Variants in PCNX1 observed in about 807,000 individuals in gnomAD.
PCNX1 encodes pecanex-like protein 1.
Under a neutral mutation model 242.2 loss-of-function variants are expected in PCNX1, and 78 were observed. That is an observed-to-expected ratio of 0.32 (90% CI 0.27 to 0.39). The LOEUF is 0.39. PCNX1 is among the 10% of genes least tolerant of loss of function. The pLI is 1.00. For synonymous variants in PCNX1, 1,024 were observed against 1,032.9 expected, an observed-to-expected ratio of 0.99 and a Z score of 0.17; for missense variants, 2,581 against 2,856.5, an observed-to-expected ratio of 0.90 and a Z score of 2.20.
chr14:70,939,747 T>G (rs1185818883), intron 1 of PCNX1, among the ~76,000 whole-genome samples: 3 of 152,258 alleles, frequency 2.0e-5, no homozygotes, highest in Admixed American at 2.0e-4. Flanking sequence ...AAGTCTCCCA[T>G]TATTGTGTGG....
intron 1 of PCNX1, among the ~76,000 whole-genome samples, chr14:70,919,913 A>G (rs1012868254): frequency 7.9e-5 from 12 of 151,664 alleles, no homozygotes; most frequent in Admixed American, 1.3e-4. Flanking sequence ...TTTAAGGGGG[A>G]AAAAAAAGTT....
In PCNX1 at chr14:70,974,549, A is replaced by G. The variant is rs1317216537; in HGVS notation, c.605-2393A>G. Among the ~76,000 whole-genome samples, 8 of 152,344 alleles carry G rather than the reference A, an allele frequency of 5.3e-5. No homozygotes were observed. In the East Asian group the frequency reaches 1.3e-3, roughly 26 times the overall value. ...CATATTCAATCGTTATTTATAGGAC[A>G]TTGTTATACTTTTTGTGCTTTAAGA... is the stretch of plus-strand genomic sequence containing the variant. On this transcript the variant is annotated intron_variant, in intron 5 of 35. Coordinates refer to ENST00000304743, the MANE Select transcript of PCNX1 (RefSeq NM_014982.3).
At chr14:71,109,075 T>C in intron 34 of PCNX1, 29 bp downstream of exon 34, 1 of 1,530,358 alleles carries the variant, frequency 6.5e-7, no homozygotes, top group Non-Finnish European at 8.9e-7. Flanking sequence ...GGTCTTGTGC[T>C]GTTTTTGTTA....
intron 1 of PCNX1, among the ~76,000 whole-genome samples, chr14:70,937,674 GTCATTGGTAGCT>G (rs1169823587): frequency 2.0e-5 from 3 of 152,168 alleles, no homozygotes; most frequent in African/African-American, 7.2e-5. Flanking sequence ...TGTGAAGAAA[GTCATTGGTAGCT>G]TGATGGGGAT....
chr14:70,978,740 ATAT>A, intron 6 of PCNX1, 92 bp downstream of exon 6: 1 of 1,096,314 alleles, frequency 9.1e-7, no homozygotes, highest in Non-Finnish European at 1.3e-6. Flanking sequence ...GCTTCTGTTA[ATAT>A]TCCCCCTTCC....
intron 30 of PCNX1, among the ~76,000 whole-genome samples, chr14:71,097,272 C>T (rs926862649): frequency 5.9e-5 from 9 of 152,072 alleles, no homozygotes; most frequent in South Asian, 2.1e-4. Flanking sequence ...TTGCAATGAA[C>T]GTAAGAATGT....
chr14:71,089,376 G>A, intron 30 of PCNX1, 34 bp downstream of exon 30: 1 of 1,505,360 alleles, frequency 6.6e-7, no homozygotes, highest in Non-Finnish European at 9.2e-7. Flanking sequence ...TTCATTACTG[G>A]TGTTTACTGA....
intron 26 of PCNX1, among the ~76,000 whole-genome samples, chr14:71,068,946 T>C (rs749699484): frequency 1.3e-4 from 20 of 152,062 alleles, no homozygotes; most frequent in Non-Finnish European, 2.6e-4. Context: ...ATTAGTCTGT[T>C]CTCACACTGC....
chr14:70,972,546 G>A (rs1566639927), intron 5 of PCNX1, among the ~76,000 whole-genome samples: 1 of 152,126 alleles, frequency 6.6e-6, no homozygotes, highest in Non-Finnish European at 1.5e-5. Context: ...CCCTTTTCTT[G>A]GCTATGGTTT....
At chr14:71,036,430 A>C (rs1237311925) in intron 19 of PCNX1, among the ~76,000 whole-genome samples, 2 of 152,172 alleles carry the variant, frequency 1.3e-5, no homozygotes, top group Admixed American at 6.5e-5. Flanking sequence ...CTCCTGCCCC[A>C]GTCTCCCAAA....
chr14:70,950,788 A>C (rs950989208), intron 2 of PCNX1, among the ~76,000 whole-genome samples: 8 of 151,870 alleles, frequency 5.3e-5, no homozygotes, highest in Non-Finnish European at 1.0e-4. Flanking sequence ...TGTGAATTGT[A>C]TATTTTTCTA....
intron 28 of PCNX1, among the ~76,000 whole-genome samples, chr14:71,081,498 C>T (rs1157510902): frequency 2.0e-5 from 3 of 152,020 alleles, no homozygotes; most frequent in South Asian, 2.1e-4. Flanking sequence ...CGTCTGATCC[C>T]GGGCTTTTTT....
Position 70,947,033 on chromosome 14 carries a change from T to C in PCNX1, c.272T>C (p.Val91Ala), listed in dbSNP as rs946135865. 8 of 1,613,766 alleles carry C rather than the reference T, an allele frequency of 5.0e-6. No individual in the cohort carries two copies. The African/African-American group carries it at 1.1e-4, about 22-fold the overall frequency. ...AGAGCACTTGATGCTGGAGAAGTTG[T>C]AGATAGGACTGCAAATGAGTTCACG... ...LHRALDAGEV[V>A]DRTANEFTDQ... Residue 91 changes from valine (V) to alanine (A), a missense_variant, in exon 2 of 36, where the codon GTA (valine) becomes GCA (alanine). Transcript: ENST00000304743.
At chr14:70,950,128 T>C (rs2057718353) in intron 2 of PCNX1, among the ~76,000 whole-genome samples, 3 of 152,234 alleles carry the variant, frequency 2.0e-5, no homozygotes, top group Non-Finnish European at 1.5e-5. Flanking sequence ...ATTCTTAACA[T>C]GAGTACCCTG....
chr14:70,937,323 A>G (rs1177887227), intron 1 of PCNX1, among the ~76,000 whole-genome samples: 3 of 152,198 alleles, frequency 2.0e-5, no homozygotes, highest in Admixed American at 6.5e-5. Context: ...AGGTATAAGA[A>G]AGGGATCCAG....
rs758725207 is a variant in PCNX1, at chr14:71,023,226, C to A, written c.3177C>A (p.Pro1059=). Residue 1059 remains proline (P), a synonymous_variant, in exon 13 of 36, where the codon CCC becomes CCA. Transcript: ENST00000304743. The part of the protein sequence containing the change: ...LKSVQPDSSS[P]RHGHNRIIAY... ...GTGTTCAACCAGATTCTTCTTCTCC[C>A]AGACATGTAAGTCACTCTTAATATG... is the stretch of plus-strand genomic sequence containing the variant. 1.3e-6 allele frequency: 2 copies of A among 1,599,056 alleles called. No homozygotes were observed. The highest frequency in any genetic ancestry group is 1.7e-6 in the Non-Finnish European group (2 of 1,166,720).
chr14:71,051,521 G>T (rs1384549355), intron 23 of PCNX1, among the ~76,000 whole-genome samples: 1 of 152,206 alleles, frequency 6.6e-6, no homozygotes, highest in African/African-American at 2.4e-5. Context: ...AATAGTAAGG[G>T]TTAGTAACCA....
Position 70,971,115 on chromosome 14 carries a change from GTTTTTTTTTTTTTTTTTTTTTTTTTT to G in PCNX1, c.604+2020_604+2045del, listed in dbSNP as rs1046870052. Among the ~76,000 whole-genome samples the G allele has an allele frequency of 5.5e-4, 8 of 14,510 alleles. 3 individuals are homozygous for G. The highest frequency in any genetic ancestry group is 1.5e-3 in the African/African-American group (5 of 3,448). 9.5% of individuals were successfully genotyped at this position (14,510 alleles called of 152,430 possible). ...AATCTATGCTATACTACTTTATATA[GTTTTTTTTTTTTTTTTTTTTTTTTTT>G]TTTTTTTTTTTTTTGAGACGGAGTC... On this transcript the variant is annotated intron_variant, in intron 5 of 35. Transcript: ENST00000304743.
chr14:71,001,780 C>T (rs1595195967), intron 8 of PCNX1, among the ~76,000 whole-genome samples: 1 of 152,302 alleles, frequency 6.6e-6, no homozygotes, highest in East Asian at 1.9e-4. Flanking sequence ...AGAGAAGTTT[C>T]TATTTCTCTC....
Sources: allele counts gnomAD v4.1 joint callset (sites outside exome capture counted in the v4.1 genomes callset), GRCh38; gene constraint gnomAD v4.1.1; transcripts MANE v1.5; gene names NCBI Gene and HGNC (gene_info 2026-07-23, HGNC 2026-07-21).